EXOC6B: variants seen among roughly 807,000 people sequenced by gnomAD.
EXOC6B encodes SEC15 homolog B.
A neutral mutation model predicts 113.5 loss-of-function variants in EXOC6B; 54 were observed. That is an observed-to-expected ratio of 0.48 (90% CI 0.38 to 0.60). The LOEUF (loss-of-function observed/expected upper bound fraction) is 0.60. EXOC6B is among the 20% of genes least tolerant of loss of function. The pLI, the probability that EXOC6B is intolerant of heterozygous loss-of-function variation, is 0.00. For synonymous variants in EXOC6B, 357 were observed against 339.0 expected, an observed-to-expected ratio of 1.05 and a Z score of -0.58; for missense variants, 797 against 977.5, an observed-to-expected ratio of 0.82 and a Z score of 2.46.
Position 72,340,975 on chromosome 2 carries a change from C to T in EXOC6B, c.2123-5955G>A, listed in dbSNP as rs189542829. Among the ~76,000 whole-genome samples, 19 of 151,834 alleles carry T rather than the reference C, an allele frequency of 1.3e-4. No homozygotes were observed. In the East Asian group the frequency reaches 1.7e-3, roughly 14 times the overall value. ...CGGCCAGAACATAAGGAAGTAAGAA[C>T]GAAGGGAGAACAATGTCAAGGAGAG... On this transcript the variant is annotated intron_variant, in intron 19 of 21. Transcript: ENST00000272427.
At chr2:72,317,606 T>G (rs1687599241) in intron 20 of EXOC6B, among the ~76,000 whole-genome samples, 1 of 148,986 alleles carries the variant, frequency 6.7e-6, no homozygotes, top group African/African-American at 2.5e-5. Flanking sequence ...CTGCTTGTAT[T>G]GACAAATGAT....
rs200469863 is a variant in EXOC6B at position 72,726,656 on chromosome 2, CTTA to C, written c.464+4348_464+4350del. On this transcript the variant is annotated intron_variant, in intron 5 of 21. Transcript: ENST00000272427. ...TGTCATAGGTCTTATGACATAATAA[CTTA>C]ACAATAATAACATAACAACAATGAC... Among the ~76,000 whole-genome samples the C allele has an allele frequency of 7.9e-3, 1,207 of 152,012 alleles. 9 individuals are homozygous for C. Among genetic ancestry groups the C allele is most frequent in the African/African-American group, 0.026 (1,084 of 41,458 alleles).
intron 1 of EXOC6B, among the ~76,000 whole-genome samples, chr2:72,822,585 A>C (rs750697297): frequency 4.6e-5 from 7 of 152,208 alleles, no homozygotes; most frequent in African/African-American, 1.7e-4. Flanking sequence ...CAAAGAAAGA[A>C]AGCAAGTAAT....
chr2:72,778,265 TA>T (rs1683819862), intron 1 of EXOC6B, among the ~76,000 whole-genome samples: 1 of 152,014 alleles, frequency 6.6e-6, no homozygotes, highest in South Asian at 2.1e-4. Flanking sequence ...GATCCCAAGA[TA>T]GAAATAGGTT....
chr2:72,766,797 T>C (rs1573761865), intron 1 of EXOC6B, among the ~76,000 whole-genome samples: 4 of 151,052 alleles, frequency 2.6e-5, no homozygotes, highest in Admixed American at 2.6e-4. Context: ...CTATCAAAAA[T>C]AGAAAAATCA....
intron 18 of EXOC6B, among the ~76,000 whole-genome samples, chr2:72,381,109 C>A (rs1413419362): frequency 6.6e-6 from 1 of 152,076 alleles, no homozygotes; most frequent in Non-Finnish European, 1.5e-5. Flanking sequence ...ATTAGGTATC[C>A]CATTTGTTTT....
intron 11 of EXOC6B, among the ~76,000 whole-genome samples, chr2:72,504,477 A>T (rs1250489860): frequency 6.6e-6 from 1 of 152,144 alleles, no homozygotes; most frequent in Non-Finnish European, 1.5e-5. Context: ...TATTGTATAT[A>T]GCTATACTTT....
At chr2:72,209,248 G>GAA (rs1224988127) in intron 20 of EXOC6B, among the ~76,000 whole-genome samples, 2 of 86,078 alleles carry the variant, frequency 2.3e-5, no homozygotes, top group East Asian at 5.7e-4. Flanking sequence ...AAAAAAAAAA[G>GAA]AAAAGAAAAG....
chr2:72,348,186 C>T (rs1334138934), intron 19 of EXOC6B, among the ~76,000 whole-genome samples: 1 of 152,122 alleles, frequency 6.6e-6, no homozygotes, highest in Admixed American at 6.6e-5. Context: ...TAAGGGATCT[C>T]TCTGGGGTCA....
At chr2:72,408,055 T>C (rs182435324) in intron 18 of EXOC6B, among the ~76,000 whole-genome samples, 4 of 139,806 alleles carry the variant, frequency 2.9e-5, no homozygotes, top group Non-Finnish European at 5.9e-5. Context: ...ATCACAACCA[T>C]TCTTATACAC....
At position 72,725,855 on chromosome 2, in the gene EXOC6B, G is replaced by A. The variant is rs930648825; in HGVS notation, c.464+5152C>T. 2.5e-4 allele frequency among the ~76,000 whole-genome samples: 38 copies of A among 152,254 alleles called. 1 individual carries two copies. Among genetic ancestry groups the A allele is most frequent in the African/African-American group, 8.2e-4 (34 of 41,556 alleles). ...AAAGTGCACCAAATGTTTACCATGC[G>A]ACCCAGAAATTCTACTCCTAAGTAT... is the stretch of plus-strand genomic sequence containing the variant. On this transcript the variant is annotated intron_variant, in intron 5 of 21. Coordinates refer to ENST00000272427, the MANE Select transcript of EXOC6B (RefSeq NM_015189.3).
intron 19 of EXOC6B, among the ~76,000 whole-genome samples, chr2:72,346,320 A>G (rs1261465436): frequency 6.6e-5 from 10 of 152,160 alleles, no homozygotes; most frequent in African/African-American, 2.2e-4. Context: ...AGGCAGATCA[A>G]TCTCCATCTG....
chr2:72,514,239 A>G (rs1283979719), intron 10 of EXOC6B, among the ~76,000 whole-genome samples: 2 of 152,288 alleles, frequency 1.3e-5, no homozygotes, highest in East Asian at 3.9e-4. Context: ...GAAAGAGACC[A>G]TATGGCCTAC....
At chr2:72,392,898 C>A (rs1692477371) in intron 18 of EXOC6B, among the ~76,000 whole-genome samples, 1 of 152,142 alleles carries the variant, frequency 6.6e-6, no homozygotes, top group Non-Finnish European at 1.5e-5. Context: ...CTCATCTGCT[C>A]TCTCTGTGGG....
At chr2:72,748,600 G>C (rs1430474434) in intron 1 of EXOC6B, among the ~76,000 whole-genome samples, 1 of 151,998 alleles carries the variant, frequency 6.6e-6, no homozygotes, top group Non-Finnish European at 1.5e-5. Flanking sequence ...ACTGCCACAG[G>C]AGATCAAATA....
At chr2:72,573,118 C>A (rs902905437) in intron 7 of EXOC6B, among the ~76,000 whole-genome samples, 2 of 152,190 alleles carry the variant, frequency 1.3e-5, no homozygotes, top group African/African-American at 4.8e-5. Flanking sequence ...TTAAAAGGAA[C>A]TTACCCAGGA....
chr2:72,590,652 T>C (rs1018717807), intron 6 of EXOC6B, among the ~76,000 whole-genome samples: 1 of 152,004 alleles, frequency 6.6e-6, no homozygotes, highest in East Asian at 1.9e-4. Context: ...AATGAGTTTC[T>C]TTCTTCCTTC....
chr2:72,321,028 G>A (rs1243969786), intron 20 of EXOC6B, among the ~76,000 whole-genome samples: 5 of 151,800 alleles, frequency 3.3e-5, no homozygotes, highest in Admixed American at 6.6e-5. Flanking sequence ...AAACCTCCGC[G>A]ACATATGTCT....
chr2:72,597,449 T>G (rs919832371), intron 6 of EXOC6B, among the ~76,000 whole-genome samples: 5 of 151,784 alleles, frequency 3.3e-5, no homozygotes, highest in African/African-American at 1.2e-4. Flanking sequence ...AGTATAATTA[T>G]ATGCTGAGAG....
Sources: allele counts gnomAD v4.1 joint callset (sites outside exome capture counted in the v4.1 genomes callset), GRCh38; gene constraint gnomAD v4.1.1; transcripts MANE v1.5; gene names NCBI Gene and HGNC (gene_info 2026-07-23, HGNC 2026-07-21).